The following SLC16A7 variants were observed in gnomAD, a reference collection of about 807,000 sequenced individuals.
The protein encoded by SLC16A7 is monocarboxylate transporter 2.
A neutral mutation model predicts 34.9 loss-of-function variants in SLC16A7; 33 were observed. That is an observed-to-expected ratio of 0.94 (90% CI 0.72 to 1.26). The LOEUF is 1.26. SLC16A7 is among the 50% of genes most tolerant of loss of function. The pLI is 0.00. For missense variants in SLC16A7, 573 were observed against 578.1 expected (o/e 0.99, Z 0.09); for synonymous variants, 201 against 206.6 (o/e 0.97, Z 0.23).
At chr12:59,712,700 G>C (rs1026974429) in intron 3 of SLC16A7, among the ~76,000 whole-genome samples, 1 of 152,202 alleles carries the variant, frequency 6.6e-6, no homozygotes, top group African/African-American at 2.4e-5. Context: ...ACTAGTGTCA[G>C]TGTTTAGGGT....
chr12:59,779,703 G>GTGT lies in SLC16A7; in HGVS notation c.*26_*28dup. The GTGT allele has an allele frequency of 6.3e-7, 1 of 1,581,224 alleles. No homozygotes were observed. Among genetic ancestry groups the GTGT allele is most frequent in the Non-Finnish European group, 8.6e-7 (1 of 1,159,140 alleles). ...AACAAGAATCACATCTCTGATTTCAGTGTTTATGACTTTATCTAGGAGTTT... is the reference window on the plus strand; with the variant it reads ...AACAAGAATCACATCTCTGATTTCAGTGTTGTTTATGACTTTATCTAGGAGTTT... On this transcript the variant is annotated 3_prime_UTR_variant, in exon 6 of 6. Coordinates refer to ENST00000547379, the MANE Select transcript of SLC16A7 (RefSeq NM_001270623.2).
Position 59,628,544 on chromosome 12 carries a change from C to A in SLC16A7, c.-129-26608C>A, listed in dbSNP as rs76818997. Among the ~76,000 whole-genome samples the A allele has an allele frequency of 2.3e-3, 357 of 151,924 alleles. 2 individuals carry two copies. The highest frequency in any genetic ancestry group is 8.3e-3 in the African/African-American group (345 of 41,478). ...TTGCTTTCATAGAGCCGTAAACAAA[C>A]CCTCTGGTAGCTTTTAGCACATTTG... On this transcript the variant is annotated intron_variant, in intron 1 of 5. Transcript: ENST00000547379.
At chr12:59,672,250 GTGTATATATGCATATATACGTA>G in intron 2 of SLC16A7, among the ~76,000 whole-genome samples, 1 of 139,554 alleles carries the variant, frequency 7.2e-6, no homozygotes, top group Admixed American at 7.3e-5. Context: ...GTATATATAT[GTGTATATATGCATATATACGTA>G]TATATATGTG....
intron 3 of SLC16A7, among the ~76,000 whole-genome samples, chr12:59,705,939 C>A (rs181587752): frequency 1.3e-4 from 20 of 152,074 alleles, no homozygotes; most frequent in African/African-American, 4.8e-4. Flanking sequence ...AGTATAATAT[C>A]CAGTATTTAG....
intron 1 of SLC16A7, among the ~76,000 whole-genome samples, chr12:59,654,272 A>AC (rs1868422597): frequency 1.3e-5 from 2 of 151,256 alleles, no homozygotes; most frequent in South Asian, 2.1e-4. Flanking sequence ...ATACTTAATA[A>AC]TATTAACTAT....
chr12:59,622,656 G>A (rs1222768710), intron 1 of SLC16A7, among the ~76,000 whole-genome samples: 2 of 151,520 alleles, frequency 1.3e-5, no homozygotes, highest in Non-Finnish European at 3.0e-5. Context: ...CAACATCAAG[G>A]TCATAAAGAT....
At chr12:59,642,567 TA>T (rs1434066287) in intron 1 of SLC16A7, among the ~76,000 whole-genome samples, 1 of 152,048 alleles carries the variant, frequency 6.6e-6, no homozygotes, top group African/African-American at 2.4e-5. Context: ...AGTGGATGAA[TA>T]AAAGTTAAGA....
intron 1 of SLC16A7, among the ~76,000 whole-genome samples, chr12:59,647,377 A>G (rs1868265890): frequency 6.6e-6 from 1 of 152,098 alleles, no homozygotes. Flanking sequence ...CTCTTCGTTC[A>G]GCTCTCATTC....
intron 2 of SLC16A7, among the ~76,000 whole-genome samples, 180 bp from the exon 3 acceptor site, chr12:59,704,592 T>A (rs2137140382): frequency 6.6e-6 from 1 of 152,332 alleles, no homozygotes; most frequent in East Asian, 1.9e-4. Context: ...CAAAGGTATA[T>A]AACTTGCATC....
chr12:59,747,712 C>T lies in SLC16A7; in HGVS notation c.218-23507C>T, dbSNP rs149810363. ...ATTTGAGCAGTTCTTTCTCTCTAGC[C>T]CTAGACTAGGTAATGGGTAGGGTAT... On this transcript the variant is annotated intron_variant, in intron 3 of 5. Coordinates refer to ENST00000547379, the MANE Select transcript of SLC16A7 (RefSeq NM_001270623.2). 1.4e-3 allele frequency among the ~76,000 whole-genome samples: 210 copies of T among 152,302 alleles called. 1 individual carries two copies. The highest frequency in any genetic ancestry group is 6.8e-3 in the Middle Eastern group (2 of 294).
chr12:59,701,696 A>G (rs905039717), intron 2 of SLC16A7, among the ~76,000 whole-genome samples: 3 of 151,734 alleles, frequency 2.0e-5, no homozygotes, highest in African/African-American at 7.2e-5. Flanking sequence ...TCCTATGGGC[A>G]TAGTTTCCTG....
chr12:59,671,349 G>C lies in SLC16A7; in HGVS notation c.-31+16099G>C, dbSNP rs369273921. 5.9e-5 allele frequency among the ~76,000 whole-genome samples: 9 copies of C among 152,136 alleles called. No homozygotes were observed. The South Asian group carries it at 1.9e-3, about 32-fold the overall frequency. On this transcript the variant is annotated intron_variant, in intron 2 of 5. Coordinates refer to ENST00000547379, the MANE Select transcript of SLC16A7 (RefSeq NM_001270623.2). ...TCTGTGAATTCCATTCTATGAATAT[G>C]TATACTTTAGTTACCAATTCCCCTA...
At chr12:59,750,442 C>T (rs36077154) in intron 3 of SLC16A7, among the ~76,000 whole-genome samples, 11,620 of 152,084 alleles carry the variant, frequency 0.076, 537 homozygotes, top group South Asian at 0.17. Context: ...ATTTATGCAG[C>T]CAAGAAACAT....
intron 2 of SLC16A7, among the ~76,000 whole-genome samples, chr12:59,688,305 G>A (rs1462511422): frequency 1.3e-5 from 2 of 152,050 alleles, no homozygotes; most frequent in Non-Finnish European, 2.9e-5. Context: ...GGTGGAGAAG[G>A]AGTGGCAATA....
At chr12:59,770,563 AAAT>A (rs1438600166) in intron 3 of SLC16A7, among the ~76,000 whole-genome samples, 2 of 152,186 alleles carry the variant, frequency 1.3e-5, no homozygotes, top group Admixed American at 6.6e-5. Flanking sequence ...AAGCCACAGG[AAAT>A]AATAACCAAA....
At chr12:59,714,500 G>T (rs1186536137) in intron 3 of SLC16A7, among the ~76,000 whole-genome samples, 1 of 151,954 alleles carries the variant, frequency 6.6e-6, no homozygotes, top group Non-Finnish European at 1.5e-5. Context: ...CCTCCTAGTT[G>T]TGTCCTCACA....
rs144007838 is a variant in SLC16A7, at chr12:59,726,365, GT to G, written c.217+21348del. Among the ~76,000 whole-genome samples, 1,067 of 152,142 alleles carry G rather than the reference GT, an allele frequency of 7.0e-3. 6 individuals are homozygous for G. Among genetic ancestry groups the G allele is most frequent in the African/African-American group, 0.025 (1,037 of 41,510 alleles). On this transcript the variant is annotated intron_variant, in intron 3 of 5. Transcript: ENST00000547379. ...AAAGCACAGAATAAAGTTTTTAGTTGTAGATTAGTGGAAATATTAAGTGTAT... is the reference window on the plus strand; with the variant it reads ...AAAGCACAGAATAAAGTTTTTAGTTGAGATTAGTGGAAATATTAAGTGTAT...
intron 3 of SLC16A7, among the ~76,000 whole-genome samples, chr12:59,739,190 C>T (rs1227059571): frequency 1.0e-5 from 1 of 99,092 alleles, no homozygotes; most frequent in Admixed American, 1.3e-4. Flanking sequence ...CTATCCCTCC[C>T]CCCTCCCCCC....
intron 1 of SLC16A7, among the ~76,000 whole-genome samples, chr12:59,651,033 C>G (rs532417920): frequency 1.3e-5 from 2 of 152,282 alleles, no homozygotes; most frequent in Non-Finnish European, 2.9e-5. Context: ...CAAAACCACC[C>G]ATGCTTCCCT....
Sources: allele counts gnomAD v4.1 joint callset (sites outside exome capture counted in the v4.1 genomes callset), GRCh38; gene constraint gnomAD v4.1.1; transcripts MANE v1.5; gene names NCBI Gene and HGNC (gene_info 2026-07-23, HGNC 2026-07-21).